TBC1D5: variants seen among roughly 807,000 people sequenced by gnomAD.
TBC1D5 encodes the protein TBC1 domain family member 5.
TBC1D5 carries 75 observed loss-of-function variants against 100.3 expected under a neutral mutation model. The observed-to-expected ratio is 0.75, with a 90% CI of 0.62 to 0.91. TBC1D5 has a LOEUF of 0.91. Ranked by LOEUF, TBC1D5 falls within the 40% of genes least tolerant of loss-of-function variation. TBC1D5 has a pLI of 0.00. For synonymous variants in TBC1D5, 323 were observed against 325.6 expected, an observed-to-expected ratio of 0.99 and a Z score of 0.09; for missense variants, 910 against 942.4, an observed-to-expected ratio of 0.97 and a Z score of 0.45.
intron 8 of TBC1D5, among the ~76,000 whole-genome samples, chr3:17,390,197 T>C (rs1488218824): frequency 1.3e-5 from 2 of 151,912 alleles, no homozygotes; most frequent in African/African-American, 2.4e-5. Flanking sequence ...AACTGAAAAG[T>C]GAGGGATGGA....
At chr3:17,351,358 AGGAAATGTGGCACATATACACCAC>A (rs1432204543) in intron 13 of TBC1D5, among the ~76,000 whole-genome samples, 5 of 152,206 alleles carry the variant, frequency 3.3e-5, no homozygotes, top group Admixed American at 3.3e-4. Context: ...AGACTGGATA[AGGAAATGTGGCACATATACACCAC>A]GGAATACTAT....
At chr3:17,261,045 C>T (rs534929625) in intron 15 of TBC1D5, among the ~76,000 whole-genome samples, 1 of 152,180 alleles carries the variant, frequency 6.6e-6, no homozygotes, top group Non-Finnish European at 1.5e-5. Flanking sequence ...AATGAAACAT[C>T]TGAAACACCC....
intron 17 of TBC1D5, among the ~76,000 whole-genome samples, chr3:17,222,785 G>A (rs1396398723): frequency 6.6e-6 from 1 of 151,544 alleles, no homozygotes; most frequent in African/African-American, 2.4e-5. Flanking sequence ...TCAGCTCTGG[G>A]AAATTCTCTT....
intron 4 of TBC1D5, among the ~76,000 whole-genome samples, chr3:17,417,155 G>A (rs774110959): frequency 1.1e-4 from 16 of 151,988 alleles, no homozygotes; most frequent in Non-Finnish European, 2.2e-4. Context: ...CTGTTCAAGA[G>A]ACCTTTAAGA....
chr3:17,258,877 A>G (rs938696726), intron 15 of TBC1D5, among the ~76,000 whole-genome samples: 14 of 152,200 alleles, frequency 9.2e-5, no homozygotes, highest in African/African-American at 2.7e-4. Context: ...AATATGATGA[A>G]TAAAATTATA....
exon 5 of TBC1D5, chr3:17,406,494 T>C (rs868014195): frequency 6.2e-7 from 1 of 1,611,946 alleles, no homozygotes; most frequent in Admixed American, 1.7e-5. Context: ...TGCCAAGTAA[T>C]TGTTGTTTAC....
chr3:17,527,241 C>A (rs571069006), intron 2 of TBC1D5, among the ~76,000 whole-genome samples: 1 of 152,220 alleles, frequency 6.6e-6, no homozygotes, highest in Non-Finnish European at 1.5e-5. Flanking sequence ...AAAGTGTAGT[C>A]TTAGGAAGCA....
chr3:17,253,871 T>G (rs1404725557), intron 16 of TBC1D5, among the ~76,000 whole-genome samples: 2 of 152,212 alleles, frequency 1.3e-5, no homozygotes, highest in East Asian at 3.8e-4. Flanking sequence ...ACGTGCGGAT[T>G]TTTTTCAACC....
intron 1 of TBC1D5, among the ~76,000 whole-genome samples, chr3:17,710,564 C>CAATAAATAAATAAATA (rs200722930): frequency 5.4e-4 from 81 of 149,074 alleles, no homozygotes; most frequent in African/African-American, 2.0e-3. Flanking sequence ...AACTCCATCT[C>CAATAAATAAATAAATA]AATAAATAAA....
At chr3:17,261,471 G>A (rs898155350) in intron 15 of TBC1D5, among the ~76,000 whole-genome samples, 2 of 151,492 alleles carry the variant, frequency 1.3e-5, no homozygotes, top group African/African-American at 4.9e-5. Flanking sequence ...CTTTTTTGGG[G>A]GGTGGGGTGG....
intron 3 of TBC1D5, among the ~76,000 whole-genome samples, chr3:17,474,919 G>C (rs73153028): frequency 0.093 from 14,058 of 151,854 alleles, 1,484 homozygotes; most frequent in African/African-American, 0.26. Flanking sequence ...TTTTTTTAAC[G>C]TAACAATGTG....
chr3:17,363,892 TTATG>T (rs758676807), intron 13 of TBC1D5, among the ~76,000 whole-genome samples: 8 of 152,012 alleles, frequency 5.3e-5, no homozygotes, highest in Non-Finnish European at 1.0e-4. Context: ...TATTATTTCT[TTATG>T]TATGTTAAAT....
chr3:17,690,581 T>C (rs1163215318), intron 1 of TBC1D5, among the ~76,000 whole-genome samples: 3 of 152,200 alleles, frequency 2.0e-5, no homozygotes, highest in African/African-American at 4.8e-5. Flanking sequence ...CAAGCAAAGC[T>C]TCATCTGTAT....
exon 15 of TBC1D5, chr3:17,291,995 G>A (rs1388261457): frequency 6.2e-6 from 10 of 1,612,680 alleles, no homozygotes; most frequent in African/African-American, 1.3e-5. Context: ...GTAGTTACTA[G>A]AGATCACTAA....
chr3:17,378,581 C>A (rs1248021488), intron 9 of TBC1D5, among the ~76,000 whole-genome samples: 1 of 151,664 alleles, frequency 6.6e-6, no homozygotes, highest in Non-Finnish European at 1.5e-5. Flanking sequence ...AGGTATTAAC[C>A]CTTTGTAATT....
Position 17,164,070 on chromosome 3 carries a change from G to A in TBC1D5, c.2094+2697C>T, listed in dbSNP as rs528874178. ...TAGATGCTGAGAAGGGAGGGACAGC[G>A]TGTGGCTCTTCTCACTCTATAGAAT... On this transcript the variant is annotated intron_variant, in intron 21 of 21. Transcript: ENST00000253692. Among the ~76,000 whole-genome samples the A allele has an allele frequency of 5.3e-5, 8 of 152,314 alleles. No homozygotes were observed. In the East Asian group the frequency reaches 5.8e-4, roughly 11 times the overall value.
intron 2 of TBC1D5, among the ~76,000 whole-genome samples, chr3:17,557,755 G>A (rs1282450899): frequency 2.0e-5 from 3 of 151,898 alleles, no homozygotes; most frequent in Non-Finnish European, 4.4e-5. Flanking sequence ...AACAGCCATA[G>A]GTAAATTTTT....
intron 13 of TBC1D5, among the ~76,000 whole-genome samples, chr3:17,317,786 A>T (rs1012007216): frequency 3.3e-5 from 5 of 152,206 alleles, no homozygotes; most frequent in African/African-American, 1.2e-4. Flanking sequence ...TTTGGACTGT[A>T]AACTAGTTCA....
chr3:17,406,420 T>C (rs2152449106), exon 5 of TBC1D5: 23 of 1,605,308 alleles, frequency 1.4e-5, no homozygotes, highest in Non-Finnish European at 1.9e-5. Context: ...CTTCTTACCT[T>C]CCAGCAAATG....
Sources: allele counts gnomAD v4.1 joint callset (sites outside exome capture counted in the v4.1 genomes callset), GRCh38; gene constraint gnomAD v4.1.1; transcripts MANE v1.5; gene names NCBI Gene and HGNC (gene_info 2026-07-23, HGNC 2026-07-21).